SPATA22: variants seen among roughly 807,000 people sequenced by gnomAD.
The protein encoded by SPATA22 is spermatogenesis associated 22, also known as spermatogenesis-associated protein 22.
A neutral mutation model predicts 47.8 loss-of-function variants in SPATA22; 29 were observed. That is an observed-to-expected ratio of 0.61 (90% CI 0.45 to 0.83). The LOEUF is 0.83. SPATA22 is among the 40% of genes least tolerant of loss of function. SPATA22 has a pLI of 0.00. For synonymous variants in SPATA22, 133 were observed against 140.9 expected (o/e 0.94, Z 0.40); for missense variants, 410 against 421.7 (o/e 0.97, Z 0.24).
At chr17:3,461,971 A>T (rs935063291) in intron 5 of SPATA22, among the ~76,000 whole-genome samples, 1 of 152,122 alleles carries the variant, frequency 6.6e-6, no homozygotes, top group African/African-American at 2.4e-5. Context: ...AAGAACCCTC[A>T]CCATCTTTTT....
chr17:3,483,424 T>C, intron 1 of SPATA22: 2 of 1,250,558 alleles, frequency 1.6e-6, no homozygotes, highest in Non-Finnish European at 2.4e-6. Context: ...ATTGAAGGTA[T>C]TATTGACTCT....
intron 1 of SPATA22, among the ~76,000 whole-genome samples, chr17:3,506,486 T>C (rs896415321): frequency 2.6e-5 from 4 of 152,178 alleles, no homozygotes; most frequent in African/African-American, 9.7e-5. Flanking sequence ...AAAAAAATAC[T>C]AAAGCCCCAT....
intron 7 of SPATA22, among the ~76,000 whole-genome samples, chr17:3,444,387 A>G (rs2072670728): frequency 6.6e-6 from 1 of 152,102 alleles, no homozygotes; most frequent in Admixed American, 6.6e-5. Context: ...CATGTTACCA[A>G]GTCAGAAATG....
intron 1 of SPATA22, among the ~76,000 whole-genome samples, chr17:3,482,913 T>C (rs957272666): frequency 6.6e-5 from 10 of 150,500 alleles, no homozygotes; most frequent in Non-Finnish European, 1.3e-4. Flanking sequence ...TAGCATTAGG[T>C]ATATCTCCTA....
intron 1 of SPATA22, among the ~76,000 whole-genome samples, chr17:3,506,494 C>G (rs112676565): frequency 0.013 from 1,998 of 152,302 alleles, 43 homozygotes; most frequent in African/African-American, 0.044. Context: ...ACTAAAGCCC[C>G]ATTAGCTACA....
intron 5 of SPATA22, among the ~76,000 whole-genome samples, chr17:3,453,570 T>C (rs1204930303): frequency 6.6e-6 from 1 of 152,192 alleles, no homozygotes; most frequent in Non-Finnish European, 1.5e-5. Context: ...AAGTTTTTTT[T>C]CAAAGATCCA....
chr17:3,449,450 A>G (rs2072807433), intron 5 of SPATA22, among the ~76,000 whole-genome samples: 1 of 152,242 alleles, frequency 6.6e-6, no homozygotes, highest in South Asian at 2.1e-4. Context: ...ACTACAAAGT[A>G]TATTTTTAAA....
At chr17:3,489,436 G>A (rs2073784503) in intron 1 of SPATA22, 4 of 1,095,306 alleles carry the variant, frequency 3.7e-6, no homozygotes, top group Non-Finnish European at 5.5e-6. Context: ...CTAAAGATAT[G>A]AAGTGCTTTT....
intron 1 of SPATA22, among the ~76,000 whole-genome samples, chr17:3,477,901 G>T (rs765339850): frequency 1.3e-5 from 2 of 151,936 alleles, no homozygotes; most frequent in Admixed American, 1.3e-4. Context: ...TAAGATACAT[G>T]GCCGGGCACA....
intron 3 of SPATA22, among the ~76,000 whole-genome samples, chr17:3,463,930 T>TCCCC: frequency 1.1e-5 from 1 of 87,418 alleles, no homozygotes; most frequent in Non-Finnish European, 2.4e-5. Context: ...TCCCTCTCCC[T>TCCCC]CTCCCTCTCC....
chr17:3,508,213 C>G (rs984154210), intron 1 of SPATA22, among the ~76,000 whole-genome samples: 1 of 151,928 alleles, frequency 6.6e-6, no homozygotes, highest in Non-Finnish European at 1.5e-5. Context: ...CCATCTCACA[C>G]CAGTTAGAAT....
chr17:3,465,061 G>GT (rs1567602778), intron 3 of SPATA22, among the ~76,000 whole-genome samples: 97 of 124,856 alleles, frequency 7.8e-4, no homozygotes, highest in East Asian at 1.1e-3. Flanking sequence ...CGTCCGGGAG[G>GT]GAGGTGGGGG....
rs79572116 is a variant in SPATA22, at chr17:3,496,500, G to A, written c.-74+16912C>T. On this transcript the variant is annotated intron_variant, in intron 1 of 8. Coordinates refer to the SPATA22 transcript ENST00000541913. Reference sequence around the variant, plus strand: ...GTGGAAGGCAAGTGAGAGGCCCTGAGGCTGGAACAAACTTGGAGCATCTGA... The same window carrying A: ...GTGGAAGGCAAGTGAGAGGCCCTGAAGCTGGAACAAACTTGGAGCATCTGA... 2.7e-3 allele frequency among the ~76,000 whole-genome samples: 408 copies of A among 152,328 alleles called. 2 individuals are homozygous for A. Among genetic ancestry groups the A allele is most frequent in the African/African-American group, 9.2e-3 (383 of 41,582 alleles).
chr17:3,470,759 A>T (rs1040844223), intron 1 of SPATA22, among the ~76,000 whole-genome samples: 18 of 72,538 alleles, frequency 2.5e-4, no homozygotes, highest in African/African-American at 5.7e-4. Context: ...TCAAAAAAAA[A>T]AGAAAAAAAA....
chr17:3,470,769 A>T (rs77643668), intron 1 of SPATA22, among the ~76,000 whole-genome samples: 49,792 of 150,354 alleles, frequency 0.33, 10,474 homozygotes, highest in Non-Finnish European at 0.48. Flanking sequence ...AAGAAAAAAA[A>T]ACAACTTGGG....
At position 3,467,428 on chromosome 17, in the gene SPATA22, G is replaced by A; in HGVS notation, c.170C>T (p.Thr57Ile). ...SDNYDFPPLP[T>I]DWAWEAVNPE... ...TTTTACCTTATTAATTTTCTTACCT[G>A]TAGGTAGAGGAGGAAAATCATAATT... The change falls in exon 3 of 9, where the codon ACA becomes ATA. Residue 57 changes from threonine to isoleucine, a missense_variant and splice_region_variant. By Grantham distance (89) the Thr-to-Ile change is moderately conservative. Transcript: ENST00000572969. 6.3e-7 allele frequency: 1 copy of A among 1,589,282 alleles called. No homozygotes were observed. Among genetic ancestry groups the A allele is most frequent in the Non-Finnish European group, 8.5e-7 (1 of 1,169,982 alleles).
At chr17:3,450,628 C>T (rs2072836769) in intron 5 of SPATA22, among the ~76,000 whole-genome samples, 1 of 152,160 alleles carries the variant, frequency 6.6e-6, no homozygotes, top group African/African-American at 2.4e-5. Context: ...TCACACGCAA[C>T]AATTTTGTAA....
At chr17:3,498,617 G>C (rs1046999148) in intron 1 of SPATA22, among the ~76,000 whole-genome samples, 1 of 152,158 alleles carries the variant, frequency 6.6e-6, no homozygotes, top group African/African-American at 2.4e-5. Context: ...CAAGTGCTGG[G>C]ATTACAGGCA....
chr17:3,487,011 G>C (rs2073734641), intron 1 of SPATA22, among the ~76,000 whole-genome samples: 2 of 152,072 alleles, frequency 1.3e-5, no homozygotes, highest in Non-Finnish European at 2.9e-5. Flanking sequence ...AAAGTTAGGA[G>C]AGGGCTGTGT....
Sources: gnomAD v4.1 joint callset for allele counts (sites outside exome capture counted in the v4.1 genomes callset) on GRCh38, gnomAD v4.1.1 for gene constraint, MANE v1.5 for transcripts, NCBI Gene and HGNC (gene_info 2026-07-23, HGNC 2026-07-21) for gene names.